TRNAU1AP: variants seen among roughly 807,000 people sequenced by gnomAD.
TRNAU1AP encodes tRNA selenocysteine 1-associated protein 1.
A neutral mutation model predicts 43.3 loss-of-function variants in TRNAU1AP; 33 were observed. The ratio of observed to expected loss-of-function variants is 0.76; its 90% confidence interval spans 0.58 to 1.02. TRNAU1AP has a LOEUF of 1.02. TRNAU1AP is among the 50% of genes least tolerant of loss of function. The pLI is 0.00. For missense variants in TRNAU1AP, 290 were observed against 362.7 expected, an observed-to-expected ratio of 0.80 and a Z score of 1.63; for synonymous variants, 143 against 129.1, an observed-to-expected ratio of 1.11 and a Z score of -0.73.
chr1:28,561,471 G>T, intron 4 of TRNAU1AP, 73 bp downstream of exon 4: 1 of 1,575,452 alleles, frequency 6.3e-7, no homozygotes, highest in Non-Finnish European at 8.7e-7. Flanking sequence ...AGGAGGAGGG[G>T]AGCCGGTTTG....
rs367982632 is a variant in TRNAU1AP at position 28,560,614 on chromosome 1, C to A, written c.126-19C>A. On this transcript the variant is annotated intron_variant, in intron 2 of 8. Transcript: ENST00000373830. ...TTTTATCTTTAACCATTTTCTTTCT[C>A]TATTTGCTTTTTTTCCAGGATCCCA... The A allele has an allele frequency of 7.4e-5, 118 of 1,603,314 alleles. No individual in the cohort carries two copies. The highest frequency in any genetic ancestry group is 9.6e-5 in the Non-Finnish European group (112 of 1,170,584).
chr1:28,557,827 T>C (rs1243113663), intron 2 of TRNAU1AP, among the ~76,000 whole-genome samples: 3 of 151,990 alleles, frequency 2.0e-5, no homozygotes, highest in Admixed American at 2.0e-4. Flanking sequence ...GACCTCGTGA[T>C]CCACCCACCT....
intron 4 of TRNAU1AP, among the ~76,000 whole-genome samples, chr1:28,564,110 C>A (rs930959578): frequency 6.6e-6 from 1 of 152,060 alleles, no homozygotes; most frequent in African/African-American, 2.4e-5. Flanking sequence ...GCTAAAAATA[C>A]AAAAGATTAG....
At chr1:28,568,145 C>T (rs779800320) in intron 6 of TRNAU1AP, among the ~76,000 whole-genome samples, 1 of 152,134 alleles carries the variant, frequency 6.6e-6, no homozygotes, top group East Asian at 1.9e-4. Flanking sequence ...GCCTGGGCAA[C>T]GGAGCAAGAC....
chr1:28,553,608 G>A, intron 1 of TRNAU1AP, 32 bp from the exon 2 acceptor site: 1 of 1,606,618 alleles, frequency 6.2e-7, no homozygotes, highest in Non-Finnish European at 8.5e-7. Flanking sequence ...CCGGCCGCCG[G>A]CCTGAGCCGC....
rs183075994 is a variant in TRNAU1AP, at chr1:28,566,660, G to A, written c.411-634G>A. On this transcript the variant is annotated intron_variant, in intron 5 of 8. Transcript: ENST00000373830. ...TGTAGTCCCAGCTACTCTGGAGGCT[G>A]AGGCAGAAGAATGGCGTGAACATGG... Among the ~76,000 whole-genome samples the A allele has an allele frequency of 3.0e-3, 463 of 151,922 alleles. 2 individuals are homozygous for A. Among genetic ancestry groups the A allele is most frequent in the African/African-American group, 0.01 (426 of 41,458 alleles).
intron 4 of TRNAU1AP, 84 bp downstream of exon 4, chr1:28,561,482 G>T: frequency 6.6e-7 from 1 of 1,521,172 alleles, no homozygotes. Context: ...AGCCGGTTTG[G>T]CTGCACTTGG....
At position 28,571,914 on chromosome 1, in the gene TRNAU1AP, C is replaced by A. The variant is rs762610793; in HGVS notation, c.727+14C>A. The stretch of plus-strand genomic sequence containing the variant: ...ATGCATTGGAAGGTAAGGGTTCATA[C>A]GTTCCTTACTCTGTCAGCCATTATC... On this transcript the variant is annotated intron_variant, in intron 8 of 8. Transcript: ENST00000373830. The A allele has an allele frequency of 6.2e-7, 1 of 1,610,466 alleles. No homozygotes were observed.
At chr1:28,560,430 C>T (rs753535421) in intron 2 of TRNAU1AP, among the ~76,000 whole-genome samples, 11 of 151,982 alleles carry the variant, frequency 7.2e-5, no homozygotes, top group Non-Finnish European at 1.0e-4. Context: ...TACAGGTGTG[C>T]GCCGCCATGC....
intron 6 of TRNAU1AP, 103 bp from the exon 7 acceptor site, chr1:28,571,073 A>G: frequency 1.7e-6 from 2 of 1,189,160 alleles, no homozygotes; most frequent in Non-Finnish European, 2.4e-6. Context: ...TCAAGAAAAA[A>G]AAAAGTTAAT....
intron 5 of TRNAU1AP, chr1:28,565,790 TA>T (rs768201216): frequency 4.1e-4 from 35 of 84,550 alleles, no homozygotes; most frequent in South Asian, 1.2e-3. Flanking sequence ...CTGTCTCAAA[TA>T]AAAAAAAAAA....
At chr1:28,565,293 C>T (rs566889134) in intron 5 of TRNAU1AP, 78 of 160,302 alleles carry the variant, frequency 4.9e-4, no homozygotes, top group Non-Finnish European at 8.5e-4. Context: ...GAGACCAGCC[C>T]GGGCAACACG....
intron 4 of TRNAU1AP, among the ~76,000 whole-genome samples, chr1:28,563,168 ACAGG>A (rs1665452907): frequency 6.6e-6 from 1 of 151,042 alleles, no homozygotes; most frequent in Non-Finnish European, 1.5e-5. Flanking sequence ...TGCTGGGATT[ACAGG>A]CATGAGCCAC....
chr1:28,555,628 G>A (rs80193688), intron 2 of TRNAU1AP, among the ~76,000 whole-genome samples: 1 of 150,638 alleles, frequency 6.6e-6, no homozygotes, highest in South Asian at 2.1e-4. Context: ...CTCTTTTCTC[G>A]GTACTCTACT....
intron 4 of TRNAU1AP, among the ~76,000 whole-genome samples, chr1:28,564,108 T>C (rs1397893947): frequency 2.6e-5 from 4 of 152,034 alleles, no homozygotes; most frequent in Admixed American, 2.6e-4. Flanking sequence ...CTGCTAAAAA[T>C]ACAAAAGATT....
rs1402293659 is a variant in TRNAU1AP, at chr1:28,577,937, C to T, written c.*301C>T. 1.7e-5 allele frequency: 4 copies of T among 234,880 alleles called. No homozygotes were observed. Among genetic ancestry groups the T allele is most frequent in the Non-Finnish European group, 3.3e-5 (4 of 120,344 alleles). 14.5% of individuals were successfully genotyped at this position (234,880 alleles called of 1,614,324 possible). Reference sequence around the variant, plus strand: ...CTGGGATGAGCAGCTTGGGATAATTCACACACTAAAGCCTGAGTTCAAGGT... The same window carrying T: ...CTGGGATGAGCAGCTTGGGATAATTTACACACTAAAGCCTGAGTTCAAGGT... On this transcript the variant is annotated 3_prime_UTR_variant, in exon 9 of 9. Transcript: ENST00000373830.
chr1:28,561,472 A>G (rs1227503344), intron 4 of TRNAU1AP, 74 bp downstream of exon 4: 1 of 1,577,226 alleles, frequency 6.3e-7, no homozygotes, highest in Non-Finnish European at 8.7e-7. Context: ...GGAGGAGGGG[A>G]GCCGGTTTGG....
In TRNAU1AP at chr1:28,577,564, G is replaced by A. The variant is rs541726188; in HGVS notation, c.792G>A (p.Leu264=). 29 of 1,614,148 alleles carry A rather than the reference G, an allele frequency of 1.8e-5. No homozygotes were observed. Among genetic ancestry groups the A allele is most frequent in the Admixed American group, 8.3e-5 (5 of 60,014 alleles). Residue 264 remains leucine, a synonymous_variant, in exon 9 of 9, where the codon CTG becomes CTA. Transcript: ENST00000373830. ...NKEFMEQSEE[L]YDALMDCHWQ... ...AGTTCATGGAACAGAGTGAGGAGCT[G>A]TATGACGCTCTGATGGACTGTCACT... is the stretch of plus-strand genomic sequence containing the variant.
Position 28,553,693 on chromosome 1 carries a change from G to A in TRNAU1AP, c.81G>A (p.Gly27=). Residue 27 remains glycine, a synonymous_variant, in exon 2 of 9, where the codon GGG becomes GGA. Transcript: ENST00000373830. ...TCTCCAGAGCCTTTGCCACCATGGG[G>A]GAGACCGTAATGAGCGTCAAAATTA... The part of the protein sequence containing the change: ...NFISRAFATM[G]ETVMSVKIIR... The A allele has an allele frequency of 1.9e-6, 3 of 1,614,174 alleles. No individual in the cohort carries two copies. The highest frequency in any genetic ancestry group is 2.5e-6 in the Non-Finnish European group (3 of 1,180,034).
Sources: allele counts gnomAD v4.1 joint callset (sites outside exome capture counted in the v4.1 genomes callset), GRCh38; gene constraint gnomAD v4.1.1; transcripts MANE v1.5; gene names NCBI Gene and HGNC (gene_info 2026-07-23, HGNC 2026-07-21).